ERC1: variants seen among roughly 807,000 people sequenced by gnomAD.
The protein encoded by ERC1 is ELKS/RAB6-interacting/CAST family member 1.
Under a neutral mutation model 132.0 loss-of-function variants are expected in ERC1, and 56 were observed. That is an observed-to-expected ratio of 0.42 (90% CI 0.34 to 0.53). The LOEUF (loss-of-function observed/expected upper bound fraction) is 0.53. Among genes scored for constraint, ERC1 ranks in the 20% least tolerant of loss-of-function variants. The pLI is 0.03. For missense variants in ERC1, 1,202 were observed against 1,349.9 expected, an observed-to-expected ratio of 0.89 and a Z score of 1.72; for synonymous variants, 478 against 476.1, an observed-to-expected ratio of 1.00 and a Z score of -0.05.
At chr12:1,417,931 G>A (rs1236281420) in intron 17 of ERC1, among the ~76,000 whole-genome samples, 2 of 152,134 alleles carry the variant, frequency 1.3e-5, no homozygotes, top group African/African-American at 4.8e-5. Flanking sequence ...TAATCACATT[G>A]TAAGCATGTT....
At chr12:991,561 C>A (rs1253194386) in intron 1 of ERC1, 2 of 151,854 alleles carry the variant, frequency 1.3e-5, no homozygotes, top group African/African-American at 4.8e-5. Flanking sequence ...CCCAGACCAC[C>A]GGCGCCCACC....
At chr12:1,231,090 T>G (rs2154299904) in intron 12 of ERC1, among the ~76,000 whole-genome samples, 1 of 152,296 alleles carries the variant, frequency 6.6e-6, no homozygotes, top group South Asian at 2.1e-4. Context: ...TTTGTTGTTC[T>G]CTGTTTTGTA....
chr12:1,183,332 C>T lies in ERC1; in HGVS notation c.2068C>T (p.Leu690=), dbSNP rs1954697042. 1.3e-6 allele frequency: 2 copies of T among 1,596,436 alleles called. No individual in the cohort carries two copies. The highest frequency in any genetic ancestry group is 1.7e-6 in the Non-Finnish European group (2 of 1,168,282). Residue 690 remains leucine (L), a synonymous_variant, in exon 11 of 19, where the codon CTG becomes TTG. Coordinates refer to ENST00000360905, the MANE Select transcript of ERC1 (RefSeq NM_178040.4). ...EHASSLASSG[L]KKDSRLKTLE... ...TGCTTCTTCTCTGGCATCCTCAGGA[C>T]TGAAAAAGGACTCACGGCTTAAGAC... is the stretch of plus-strand genomic sequence containing the variant.
intron 2 of ERC1, among the ~76,000 whole-genome samples, chr12:1,074,701 G>A (rs1365075385): frequency 1.3e-5 from 2 of 152,178 alleles, no homozygotes; most frequent in Non-Finnish European, 2.9e-5. Context: ...ATGTTTTCCA[G>A]CCATTATCTT....
At chr12:1,407,366 T>A (rs1442853276) in intron 16 of ERC1, among the ~76,000 whole-genome samples, 3 of 152,010 alleles carry the variant, frequency 2.0e-5, no homozygotes, top group Non-Finnish European at 4.4e-5. Flanking sequence ...TTCAATTGAT[T>A]TTTTTATTGA....
intron 2 of ERC1, among the ~76,000 whole-genome samples, chr12:1,075,865 A>T (rs1941260774): frequency 6.6e-6 from 1 of 152,168 alleles, no homozygotes; most frequent in African/African-American, 2.4e-5. Context: ...AAGAAAAGGG[A>T]TTGGTATTGC....
intron 12 of ERC1, among the ~76,000 whole-genome samples, chr12:1,219,085 C>G (rs1172645713): frequency 1.3e-5 from 2 of 151,980 alleles, no homozygotes; most frequent in Non-Finnish European, 2.9e-5. Context: ...ATTGGCCAGG[C>G]TGGTCTTGAA....
intron 16 of ERC1, among the ~76,000 whole-genome samples, chr12:1,396,512 T>G (rs2090556357): frequency 6.6e-6 from 1 of 152,224 alleles, no homozygotes; most frequent in African/African-American, 2.4e-5. Context: ...TAAACTCAAA[T>G]CTATTGGAAG....
At chr12:1,123,680 A>G (rs1285022826) in intron 7 of ERC1, among the ~76,000 whole-genome samples, 1 of 152,222 alleles carries the variant, frequency 6.6e-6, no homozygotes, top group East Asian at 1.9e-4. Flanking sequence ...CGATCGATGC[A>G]CCTAACAGCA....
At position 1,180,531 on chromosome 12, in the gene ERC1, T is replaced by C; in HGVS notation, c.1738-9T>C. 6.2e-7 allele frequency: 1 copy of C among 1,612,560 alleles called. No homozygotes were observed. The highest frequency in any genetic ancestry group is 8.5e-7 in the Non-Finnish European group (1 of 1,178,914). On this transcript the variant is annotated splice_polypyrimidine_tract_variant and intron_variant, in intron 8 of 18. Coordinates refer to ENST00000360905, the MANE Select transcript of ERC1 (RefSeq NM_178040.4). Reference sequence around the variant, plus strand: ...CTCTCTTTTCCCTTAAATATTTATGTACATTTAGATTGAAAATCTTCAAGA... The same window carrying C: ...CTCTCTTTTCCCTTAAATATTTATGCACATTTAGATTGAAAATCTTCAAGA...
At chr12:1,289,771 C>T in intron 14 of ERC1, 81 bp from the exon 15 acceptor site, 1 of 1,106,754 alleles carries the variant, frequency 9.0e-7, no homozygotes, top group South Asian at 1.4e-5. Flanking sequence ...TTTTCTGGAC[C>T]CAGGAGTTGC....
At chr12:1,329,303 AAAAAG>A (rs2082698763) in intron 15 of ERC1, among the ~76,000 whole-genome samples, 1 of 146,724 alleles carries the variant, frequency 6.8e-6, no homozygotes, top group African/African-American at 2.6e-5. Flanking sequence ...CAAAAAAAAA[AAAAAG>A]AAAGAAAAGT....
chr12:1,409,968 C>T (rs1443438530), intron 17 of ERC1, among the ~76,000 whole-genome samples: 3 of 152,028 alleles, frequency 2.0e-5, no homozygotes, highest in Non-Finnish European at 2.9e-5. Flanking sequence ...CTTGGCCTCC[C>T]GAAGTGCTAG....
intron 15 of ERC1, among the ~76,000 whole-genome samples, chr12:1,290,482 T>C (rs538483558): frequency 6.6e-6 from 1 of 152,336 alleles, no homozygotes; most frequent in African/African-American, 2.4e-5. Flanking sequence ...AGCCAATTTT[T>C]AGAAAATTGT....
chr12:1,165,991 A>G (rs867140466), intron 8 of ERC1, among the ~76,000 whole-genome samples: 3 of 152,112 alleles, frequency 2.0e-5, no homozygotes, highest in African/African-American at 4.8e-5. Context: ...TTTTGTCTCT[A>G]TGGATTTGCC....
intron 3 of ERC1, among the ~76,000 whole-genome samples, chr12:1,095,467 A>G (rs947586257): frequency 1.3e-5 from 2 of 151,666 alleles, no homozygotes; most frequent in Non-Finnish European, 2.9e-5. Flanking sequence ...TTCTTTAGTT[A>G]TTTAAGGAGA....
At chr12:1,236,651 T>C in intron 12 of ERC1, 118 bp from the exon 13 acceptor site, 1 of 980,230 alleles carries the variant, frequency 1.0e-6, no homozygotes, top group South Asian at 2.2e-5. Flanking sequence ...TTTCGCAGCA[T>C]GTATTTATTC....
chr12:1,424,450 C>A (rs931247190), intron 17 of ERC1, among the ~76,000 whole-genome samples: 1 of 152,266 alleles, frequency 6.6e-6, no homozygotes, highest in South Asian at 2.1e-4. Flanking sequence ...CTATTCTGTT[C>A]TTTAGCTGTT....
intron 17 of ERC1, among the ~76,000 whole-genome samples, chr12:1,420,724 G>A (rs944000082): frequency 6.6e-6 from 1 of 152,092 alleles, no homozygotes; most frequent in Non-Finnish European, 1.5e-5. Context: ...CAAAGTGCTG[G>A]GATTACAGGC....
Sources: gnomAD v4.1 joint callset for allele counts (sites outside exome capture counted in the v4.1 genomes callset) on GRCh38, gnomAD v4.1.1 for gene constraint, MANE v1.5 for transcripts, NCBI Gene and HGNC (gene_info 2026-07-23, HGNC 2026-07-21) for gene names.